ATP8B4: variants seen among roughly 807,000 people sequenced by gnomAD.
The protein encoded by ATP8B4 is probable phospholipid-transporting ATPase IM.
ATP8B4 carries 133 observed loss-of-function variants against 145.6 expected under a neutral mutation model. The ratio of observed to expected loss-of-function variants is 0.91; its 90% CI spans 0.79 to 1.05. The LOEUF (loss-of-function observed/expected upper bound fraction) is 1.05, where lower values mean the gene tolerates loss of function less well. Ranked by LOEUF, ATP8B4 falls within the 50% of genes least tolerant of loss-of-function variation. The probability of loss-of-function intolerance (pLI) is 0.00; values close to 1 mark genes in which losing one functional copy is unlikely to be tolerated. For missense variants in ATP8B4, 1,458 were observed against 1,425.2 expected (o/e 1.02, Z -0.37); for synonymous variants, 507 against 492.9 (o/e 1.03, Z -0.38).
At chr15:49,946,154 A>G (rs1270466528) in intron 14 of ATP8B4, among the ~76,000 whole-genome samples, 3 of 152,226 alleles carry the variant, frequency 2.0e-5, no homozygotes, top group Non-Finnish European at 4.4e-5. Context: ...TACAAGACAA[A>G]AAATTTTAAA....
chr15:49,986,070 C>T (rs1318873521), intron 10 of ATP8B4, among the ~76,000 whole-genome samples: 1 of 152,218 alleles, frequency 6.6e-6, no homozygotes, highest in East Asian at 1.9e-4. Context: ...CAACCAACTT[C>T]CTTGTTTTTC....
chr15:50,140,837 G>A (rs1355337334), intron 1 of ATP8B4, among the ~76,000 whole-genome samples: 2 of 152,212 alleles, frequency 1.3e-5, no homozygotes, highest in Non-Finnish European at 2.9e-5. Context: ...GAATTCTGTA[G>A]TTCTGGGATG....
At chr15:50,046,737 T>C (rs527496739) in intron 4 of ATP8B4, among the ~76,000 whole-genome samples, 1 of 152,346 alleles carries the variant, frequency 6.6e-6, no homozygotes, top group African/African-American at 2.4e-5. Context: ...ATGTGTACAG[T>C]ATATATGTAG....
intron 10 of ATP8B4, among the ~76,000 whole-genome samples, chr15:49,983,304 C>A (rs1446486057): frequency 1.3e-5 from 2 of 152,296 alleles, no homozygotes; most frequent in East Asian, 3.9e-4. Flanking sequence ...ATCTGGCTTA[C>A]AATCTTCCTC....
At chr15:49,881,297 T>A (rs2035376088) in intron 23 of ATP8B4, among the ~76,000 whole-genome samples, 1 of 152,182 alleles carries the variant, frequency 6.6e-6, no homozygotes, top group Admixed American at 6.5e-5. Context: ...GCATAAATAG[T>A]AAAACATGGG....
intron 3 of ATP8B4, among the ~76,000 whole-genome samples, chr15:50,051,711 A>G (rs1049619029): frequency 3.3e-5 from 5 of 152,166 alleles, no homozygotes; most frequent in African/African-American, 9.7e-5. Flanking sequence ...TCTGTTTTAT[A>G]TTTTCCTTCT....
chr15:50,126,219 G>C lies in ATP8B4; in HGVS notation c.-42-19211C>G, dbSNP rs534094874. Among the ~76,000 whole-genome samples the C allele has an allele frequency of 1.4e-4, 19 of 131,128 alleles. No homozygotes were observed. The South Asian group carries it at 3.7e-3, about 26-fold the overall frequency. The allele number at this position is 131,128 out of a possible 152,430, so 86.0% of individuals were successfully genotyped here. The stretch of plus-strand genomic sequence containing the variant: ...AGATGAGTTAGGGAGGGTCTTGTTA[G>C]TTCCTAACAAGCTAACAGTCCAAAA... On this transcript the variant is annotated intron_variant, in intron 1 of 3. Coordinates refer to the ATP8B4 transcript ENST00000558829.
intron 3 of ATP8B4, among the ~76,000 whole-genome samples, chr15:50,050,464 A>C (rs920959369): frequency 3.3e-5 from 5 of 152,154 alleles, no homozygotes; most frequent in African/African-American, 9.7e-5. Context: ...TTATGTATAC[A>C]TCTTTCATAT....
Position 50,076,606 on chromosome 15 carries a change from T to C in ATP8B4, c.29-2421A>G, listed in dbSNP as rs146276592. On this transcript the variant is annotated intron_variant, in intron 2 of 27. Transcript: ENST00000284509. ...CAAAGCAGCCAAGTAGTTTCTATGG[T>C]AGGTCAGTTTGGATCTTCTTTCAGG... 4.6e-3 allele frequency among the ~76,000 whole-genome samples: 699 copies of C among 152,354 alleles called. 4 individuals are homozygous for C. The highest frequency in any genetic ancestry group is 0.011 in the Admixed American group (168 of 15,304).
chr15:50,158,274 G>A (rs1253645184), intron 1 of ATP8B4, among the ~76,000 whole-genome samples: 7 of 149,906 alleles, frequency 4.7e-5, no homozygotes, highest in South Asian at 2.1e-4. Flanking sequence ...AGTGAGGAGC[G>A]CCTCTTCCCG....
Position 50,076,959 on chromosome 15 carries a change from T to A in ATP8B4, c.29-2774A>T, listed in dbSNP as rs542937877. On this transcript the variant is annotated intron_variant, in intron 2 of 27. Coordinates refer to ENST00000284509, the MANE Select transcript of ATP8B4 (RefSeq NM_024837.4). ...GATATAAAGACCTTTTGGCAATAAA[T>A]CACATCCTGGAAAAAAAGGACGCTG... Among the ~76,000 whole-genome samples, 33 of 152,270 alleles carry A rather than the reference T, an allele frequency of 2.2e-4. No individual in the cohort carries two copies. In the East Asian group the frequency reaches 4.2e-3, roughly 20 times the overall value.
intron 24 of ATP8B4, among the ~76,000 whole-genome samples, chr15:49,878,355 G>A (rs8031452): frequency 6.6e-6 from 1 of 151,928 alleles, no homozygotes; most frequent in African/African-American, 2.4e-5. Flanking sequence ...TTTTACATAT[G>A]AGAAGGGAGA....
At chr15:50,146,708 T>C (rs997131792) in intron 1 of ATP8B4, among the ~76,000 whole-genome samples, 5 of 152,114 alleles carry the variant, frequency 3.3e-5, no homozygotes, top group Admixed American at 2.6e-4. Flanking sequence ...TTTAGGCTCA[T>C]AGATGGTTTG....
intron 23 of ATP8B4, chr15:49,897,010 C>A: frequency 3.0e-5 from 10 of 335,364 alleles, no homozygotes; most frequent in Non-Finnish European, 5.5e-5. Flanking sequence ...TGTCATCATA[C>A]CAAAAACATT....
At chr15:50,074,214 TA>T (rs747902082) in intron 2 of ATP8B4, 29 bp from the exon 3 acceptor site, 2 of 1,579,666 alleles carry the variant, frequency 1.3e-6, no homozygotes, top group South Asian at 2.2e-5. Context: ...AGTATGAAAT[TA>T]AATTGTAGGC....
chr15:50,044,546 C>T (rs1207354698), intron 5 of ATP8B4, 48 bp downstream of exon 5: 12 of 1,308,100 alleles, frequency 9.2e-6, no homozygotes, highest in Non-Finnish European at 1.2e-5. Flanking sequence ...TTCTGAGAAG[C>T]CACAACTGAA....
chr15:49,914,925 A>G (rs990538773), intron 20 of ATP8B4, among the ~76,000 whole-genome samples: 1 of 152,184 alleles, frequency 6.6e-6, no homozygotes, highest in Non-Finnish European at 1.5e-5. Flanking sequence ...TAAAAATAGA[A>G]CTACCATATA....
chr15:50,023,779 C>CAAAAAAAAAAAAAAAAAAAAAAAAAAGA (rs60030651), intron 6 of ATP8B4, among the ~76,000 whole-genome samples: 5 of 75,052 alleles, frequency 6.7e-5, no homozygotes, highest in South Asian at 4.7e-4. Context: ...AGACCAAAGG[C>CAAAAAAAAAAAAAAAAAAAAAAAAAAGA]AAAAAAAAAA....
At chr15:50,130,085 A>G (rs1241041800) in intron 1 of ATP8B4, among the ~76,000 whole-genome samples, 1 of 152,286 alleles carries the variant, frequency 6.6e-6, no homozygotes, top group East Asian at 1.9e-4. Context: ...TCTCTACTCT[A>G]TATGAATGTT....
Sources: allele counts gnomAD v4.1 joint callset (sites outside exome capture counted in the v4.1 genomes callset), GRCh38; gene constraint gnomAD v4.1.1; transcripts MANE v1.5; gene names NCBI Gene and HGNC (gene_info 2026-07-23, HGNC 2026-07-21).